MAK: variants seen among roughly 807,000 people sequenced by gnomAD.
MAK encodes the protein serine/threonine-protein kinase MAK.
A neutral mutation model predicts 82.6 loss-of-function variants in MAK; 65 were observed. The observed-to-expected ratio is 0.79, with a 90% CI of 0.64 to 0.97. The LOEUF is 0.97. Ranked by LOEUF, MAK falls within the 50% of genes least tolerant of loss-of-function variation. The pLI, the probability that MAK is intolerant of heterozygous loss-of-function variation, is 0.00. For synonymous variants in MAK, 250 were observed against 274.2 expected (o/e 0.91, Z 0.87); for missense variants, 703 against 780.2 (o/e 0.90, Z 1.18).
intron 5 of MAK, among the ~76,000 whole-genome samples, chr6:10,813,307 C>G (rs886838138): frequency 2.8e-5 from 4 of 142,284 alleles, no homozygotes; most frequent in Non-Finnish European, 6.2e-5. Context: ...CGCCACCACG[C>G]CCAGCTAATT....
chr6:10,768,712 G>A (rs1424187501), intron 14 of MAK, among the ~76,000 whole-genome samples: 1 of 152,180 alleles, frequency 6.6e-6, no homozygotes, highest in Admixed American at 6.5e-5. Context: ...AGATAATGAA[G>A]CAATTCTTTT....
In MAK at chr6:10,782,202, T is replaced by TCACACACACACA. The variant is rs746386493; in HGVS notation, c.1465+2210_1465+2221dup. On this transcript the variant is annotated intron_variant, in intron 11 of 14. Coordinates refer to ENST00000354489, the MANE Select transcript of MAK (RefSeq NM_001242957.3). The stretch of plus-strand genomic sequence containing the variant: ...AGCCTGGGCAACGAGTGAAACTCTG[T>TCACACACACACA]CACACACACACACACACACACACAC... Among the ~76,000 whole-genome samples the TCACACACACACA allele has an allele frequency of 8.2e-5, 12 of 146,152 alleles. 1 individual carries two copies. Among genetic ancestry groups the TCACACACACACA allele is most frequent in the African/African-American group, 3.0e-4 (12 of 39,520 alleles).
rs767409599 is a variant in MAK at position 10,791,794 on chromosome 6, A to T, written c.1197T>A (p.Thr399=). The T allele has an allele frequency of 1.4e-5, 23 of 1,614,016 alleles. 1 individual carries two copies. In the South Asian group the frequency reaches 2.5e-4, roughly 18 times the overall value. ...CCCAGCTATCTCCAGACTTGAAGAT[A>T]GTCTGACCCCAACGCCTCCTACCAC... is the stretch of plus-strand genomic sequence containing the variant. ...HKSGRRRWGQ[T]IFKSGDSWEE... The change falls in exon 10 of 15, where the codon ACT becomes ACA. Residue 399 remains threonine (T), a synonymous_variant. Coordinates refer to ENST00000354489, the MANE Select transcript of MAK (RefSeq NM_001242957.3).
At chr6:10,795,941 A>G in intron 9 of MAK, 57 bp downstream of exon 9, 2 of 1,567,774 alleles carry the variant, frequency 1.3e-6, no homozygotes, top group African/African-American at 1.3e-5. Context: ...CCTCGAAAAA[A>G]ATCTTAATTG....
At chr6:10,824,399 A>G (rs1778199669) in intron 2 of MAK, among the ~76,000 whole-genome samples, 1 of 152,116 alleles carries the variant, frequency 6.6e-6, no homozygotes, top group South Asian at 2.1e-4. Context: ...TTCTTGTTCA[A>G]CTTGTGGCTA....
In MAK at chr6:10,763,893, A is replaced by G. The variant is rs1772160555; in HGVS notation, c.*559T>C. 1.3e-5 allele frequency: 2 copies of G among 152,100 alleles called. No homozygotes were observed. Among genetic ancestry groups the G allele is most frequent in the East Asian group, 1.9e-4 (1 of 5,168 alleles). 9.4% of individuals were successfully genotyped at this position (152,100 alleles called of 1,614,324 possible). ...TATCCTGCTCAAGATTGAAATTACC[A>G]TCGCTCCCATAGCTTCAAAGTAGAA... On this transcript the variant is annotated 3_prime_UTR_variant, in exon 15 of 15. Transcript: ENST00000354489.
chr6:10,826,117 T>A (rs1475315502), intron 2 of MAK, among the ~76,000 whole-genome samples: 2 of 152,050 alleles, frequency 1.3e-5, no homozygotes, highest in African/African-American at 4.8e-5. Flanking sequence ...TCTGCCCCAC[T>A]CGTAATCCAC....
At position 10,801,909 on chromosome 6, in the gene MAK, G is replaced by A. The variant is rs753314164; in HGVS notation, c.814C>T (p.Arg272Ter). 21 of 1,614,094 alleles carry A rather than the reference G, an allele frequency of 1.3e-5. No individual in the cohort carries two copies. The highest frequency in any genetic ancestry group is 2.2e-5 in the South Asian group (2 of 91,076). The change falls in exon 8 of 15, where the codon CGA (arginine) becomes TGA (stop). Residue 272 changes from arginine (R) to a stop codon, truncating the protein, a stop_gained. Transcript: ENST00000354489. LOFTEE classifies it high-confidence loss of function. ...CCTCTTACCTGGCTTGCTGTCGGTC[G>A]TTTCTTTGGATCCCAATTCAACATT... ...TEMLNWDPKK[R>*]PTASQALKHP...
At chr6:10,806,492 C>T (rs1193221379) in intron 6 of MAK, among the ~76,000 whole-genome samples, 1 of 145,540 alleles carries the variant, frequency 6.9e-6, no homozygotes, top group African/African-American at 2.6e-5. Flanking sequence ...GTGCCCGCCA[C>T]CACACCCGTC....
chr6:10,824,955 A>G (rs1212037984), intron 2 of MAK, among the ~76,000 whole-genome samples: 1 of 152,112 alleles, frequency 6.6e-6, no homozygotes, highest in East Asian at 1.9e-4. Flanking sequence ...TCTGCCTCCT[A>G]ATATAGAGAC....
chr6:10,814,585 T>C (rs1276619734), intron 4 of MAK, among the ~76,000 whole-genome samples: 13 of 152,032 alleles, frequency 8.6e-5, no homozygotes, highest in Non-Finnish European at 1.5e-4. Flanking sequence ...GGAGGATCAC[T>C]TGAGCCTGGG....
chr6:10,825,869 A>G (rs1277876015), intron 2 of MAK, among the ~76,000 whole-genome samples: 2 of 152,014 alleles, frequency 1.3e-5, no homozygotes, highest in Non-Finnish European at 1.5e-5. Context: ...TCTAACCAAC[A>G]TGACTGCACT....
At position 10,784,415 on chromosome 6, in the gene MAK, T is replaced by C; in HGVS notation, c.1465+9A>G. 1 of 1,614,152 alleles carries C rather than the reference T, an allele frequency of 6.2e-7. No individual in the cohort carries two copies. The highest frequency in any genetic ancestry group is 8.5e-7 in the Non-Finnish European group (1 of 1,179,966). ...AGTTAGCAGCAAACATTTTCTTTGC[T>C]CTACTTACCTGGAAGATATCTTGAT... On this transcript the variant is annotated intron_variant, in intron 11 of 14. Coordinates refer to ENST00000354489, the MANE Select transcript of MAK (RefSeq NM_001242957.3).
At chr6:10,815,821 T>G (rs1057047190) in intron 4 of MAK, among the ~76,000 whole-genome samples, 56 of 150,810 alleles carry the variant, frequency 3.7e-4, no homozygotes, top group African/African-American at 1.4e-3. Context: ...TGCAATTTAT[T>G]TTACATTTAC....
intron 10 of MAK, among the ~76,000 whole-genome samples, chr6:10,785,503 C>G (rs1431225514): frequency 6.6e-6 from 1 of 152,344 alleles, no homozygotes; most frequent in African/African-American, 2.4e-5. Flanking sequence ...CAAGTTGGCT[C>G]CCTTGGAAAT....
intron 10 of MAK, 131 bp from the exon 11 acceptor site, chr6:10,784,703 T>G: frequency 1.2e-6 from 1 of 832,344 alleles, no homozygotes; most frequent in East Asian, 2.6e-5. Context: ...ATGGTTTCCA[T>G]CAGTCTTTTG....
At chr6:10,825,651 C>A (rs1187737753) in intron 2 of MAK, among the ~76,000 whole-genome samples, 1 of 148,142 alleles carries the variant, frequency 6.8e-6, no homozygotes, top group Non-Finnish European at 1.5e-5. Context: ...TTTTCCCCTC[C>A]TTGACATGGT....
chr6:10,796,230 T>C lies in MAK; in HGVS notation c.911A>G (p.Asn304Ser). 1.2e-6 allele frequency: 2 copies of C among 1,614,218 alleles called. No individual in the cohort carries two copies. Among genetic ancestry groups the C allele is most frequent in the Non-Finnish European group, 1.7e-6 (2 of 1,180,044 alleles). Residue 304 changes from asparagine to serine, a missense_variant, in exon 9 of 15, where the codon AAT (asparagine) becomes AGT (serine). Asn to Ser is a conservative substitution (Grantham distance 46). Transcript: ENST00000354489. ...TGATTCTAATGGTTGCAGCTGCTTA[T>C]TTAAAGACTGTTTTGATTCCAGATG... ...SNHLESKQSL[N>S]KQLQPLESKP...
chr6:10,838,320 C>T (rs1329514800), intron 1 of MAK, 183 bp downstream of exon 1: 3 of 152,474 alleles, frequency 2.0e-5, no homozygotes, highest in Non-Finnish European at 4.4e-5. Context: ...GGGGACCCTC[C>T]TCCCTCCAGT....
Sources: gnomAD v4.1 joint callset for allele counts (sites outside exome capture counted in the v4.1 genomes callset) on GRCh38, gnomAD v4.1.1 for gene constraint, MANE v1.5 for transcripts, NCBI Gene and HGNC (gene_info 2026-07-23, HGNC 2026-07-21) for gene names.